The following ZFPM1 variants were observed in gnomAD, a reference collection of about 807,000 sequenced individuals.
The protein encoded by ZFPM1 is zinc finger protein ZFPM1.
In ZFPM1, 28 loss-of-function variants were observed where a neutral mutation model predicts 46.3. The ratio of observed to expected loss-of-function variants is 0.60; its 90% CI spans 0.45 to 0.83. ZFPM1 has a LOEUF of 0.83. Ranked by LOEUF, ZFPM1 falls within the 40% of genes least tolerant of loss-of-function variation. The probability of loss-of-function intolerance (pLI) is 0.00; values close to 1 mark genes in which losing one functional copy is unlikely to be tolerated. For synonymous variants in ZFPM1, 957 were observed against 675.9 expected, an observed-to-expected ratio of 1.42 and a Z score of -6.45; for missense variants, 1,878 against 1,432.4, an observed-to-expected ratio of 1.31 and a Z score of -5.02.
chr16:88,458,351 C>A (rs1435845682), intron 1 of ZFPM1, among the ~76,000 whole-genome samples: 2 of 152,300 alleles, frequency 1.3e-5, no homozygotes, highest in East Asian at 3.9e-4. Flanking sequence ...GGGAGGGGGT[C>A]CCCTGGGAGG....
At chr16:88,460,958 CGG>C (rs1567525443) in intron 1 of ZFPM1, among the ~76,000 whole-genome samples, 4 of 7,696 alleles carry the variant, frequency 5.2e-4, no homozygotes, top group East Asian at 8.0e-3. Flanking sequence ...AGGGGCGGGG[CGG>C]GAGGCCTGGT....
intron 9 of ZFPM1, 97 bp from the exon 10 acceptor site, chr16:88,533,051 T>TGCCCCCCCCCC: frequency 1.5e-6 from 2 of 1,351,638 alleles, no homozygotes; most frequent in South Asian, 1.4e-5. Flanking sequence ...TCTAAACCAC[T>TGCCCCCCCCCC]CCCGCCCACC....
At chr16:88,474,584 C>T (rs1267602209) in intron 1 of ZFPM1, among the ~76,000 whole-genome samples, 1 of 151,918 alleles carries the variant, frequency 6.6e-6, no homozygotes, top group Non-Finnish European at 1.5e-5. Context: ...CTTCGGGGGG[C>T]GGGGGGCTCT....
At chr16:88,515,036 T>G (rs934752889) in intron 4 of ZFPM1, among the ~76,000 whole-genome samples, 1 of 152,230 alleles carries the variant, frequency 6.6e-6, no homozygotes, top group Non-Finnish European at 1.5e-5. Flanking sequence ...AGCCCCTTGC[T>G]GCTAGACACA....
rs750889569 is a variant in ZFPM1, at chr16:88,534,001, C to T, written c.2043C>T (p.Ser681=). Residue 681 remains serine, a synonymous_variant, in exon 10 of 10, where the codon AGC becomes AGT. Coordinates refer to ENST00000319555, the MANE Select transcript of ZFPM1 (RefSeq NM_153813.3). ...SSVDDAEDDP[S]RTLCEACNIR... is the part of the protein sequence containing the mutation. ...TGGACGACGCGGAGGACGACCCCAG[C>T]CGCACGCTGTGCGAGGCCTGCAACA... 1.2e-5 allele frequency: 17 copies of T among 1,378,674 alleles called. No individual in the cohort carries two copies. In the South Asian group the frequency reaches 1.8e-4, roughly 15 times the overall value. 85.4% of individuals were successfully genotyped at this position (1,378,674 alleles called of 1,614,324 possible). A position where few individuals can be genotyped will look rare whatever the true frequency, so the allele number is the denominator to read the frequency against.
intron 1 of ZFPM1, among the ~76,000 whole-genome samples, chr16:88,476,287 A>C (rs34552467): frequency 0.4 from 61,111 of 151,912 alleles, 12,855 homozygotes; most frequent in East Asian, 0.56. Context: ...ACCCCCCTCC[A>C]AGCCAGCCAC....
chr16:88,514,914 C>CCGCGGACTCTTCTGACGACAGG (rs1911201997), intron 4 of ZFPM1, among the ~76,000 whole-genome samples: 1 of 152,150 alleles, frequency 6.6e-6, no homozygotes, highest in Non-Finnish European at 1.5e-5. Flanking sequence ...GTGTCTGTCC[C>CCGCGGACTCTTCTGACGACAGG]CGCGGACTCT....
intron 3 of ZFPM1, among the ~76,000 whole-genome samples, chr16:88,506,737 A>G (rs1567543680): frequency 6.6e-6 from 1 of 150,618 alleles, no homozygotes; most frequent in Non-Finnish European, 1.5e-5. Context: ...GCCCTCCTGC[A>G]AGGACCTGGA....
At chr16:88,484,781 G>A (rs1057405379) in intron 1 of ZFPM1, among the ~76,000 whole-genome samples, 7 of 152,290 alleles carry the variant, frequency 4.6e-5, no homozygotes, top group African/African-American at 1.7e-4. Context: ...CACCAGCCCC[G>A]CCGGCGGATG....
chr16:88,503,987 C>T (rs1218577431), intron 3 of ZFPM1, among the ~76,000 whole-genome samples: 4 of 149,934 alleles, frequency 2.7e-5, no homozygotes. Flanking sequence ...CCAGCGTCCT[C>T]ACCAGCACCT....
At chr16:88,512,194 C>T (rs1051597393) in intron 3 of ZFPM1, among the ~76,000 whole-genome samples, 6 of 152,182 alleles carry the variant, frequency 3.9e-5, no homozygotes, top group African/African-American at 1.2e-4. Context: ...GTGGGTGCCT[C>T]GTGGGCCGGG....
chr16:88,535,704 C>T lies in ZFPM1; in HGVS notation c.*725C>T, dbSNP rs1039473239. 1 of 152,336 alleles carries T rather than the reference C, an allele frequency of 6.6e-6. No homozygotes were observed. The highest frequency in any genetic ancestry group is 2.4e-5 in the African/African-American group (1 of 41,460). 9.4% of individuals were successfully genotyped at this position (152,336 alleles called of 1,614,324 possible). A position where few individuals can be genotyped will look rare whatever the true frequency, so the allele number is the denominator to read the frequency against. ...TCCTGATGCTCACTGGTGGGTGCAT[C>T]TCTCCCTCAGAGCCAGGGCTGAGGA... On this transcript the variant is annotated 3_prime_UTR_variant, in exon 10 of 10. Coordinates refer to ENST00000319555, the MANE Select transcript of ZFPM1 (RefSeq NM_153813.3).
intron 3 of ZFPM1, among the ~76,000 whole-genome samples, chr16:88,492,013 C>T (rs552801078): frequency 1.3e-5 from 2 of 152,304 alleles, no homozygotes; most frequent in African/African-American, 4.8e-5. Context: ...CCACATTTGC[C>T]CTGCTCCTCC....
chr16:88,455,358 C>G (rs1965025140), intron 1 of ZFPM1, among the ~76,000 whole-genome samples: 1 of 152,088 alleles, frequency 6.6e-6, no homozygotes, highest in Admixed American at 6.5e-5. Flanking sequence ...CCACCGCGGC[C>G]CATCCTCGTT....
chr16:88,491,206 C>A (rs57578314), intron 3 of ZFPM1, among the ~76,000 whole-genome samples: 110 of 152,284 alleles, frequency 7.2e-4, no homozygotes, highest in African/African-American at 2.6e-3. Flanking sequence ...TCGGGAGGGG[C>A]CGCCCTGACT....
At chr16:88,500,893 C>T (rs979205238) in intron 3 of ZFPM1, among the ~76,000 whole-genome samples, 2 of 152,256 alleles carry the variant, frequency 1.3e-5, no homozygotes, top group Non-Finnish European at 2.9e-5. Flanking sequence ...CTAGACGGCA[C>T]CTCGGTGTCC....
intron 2 of ZFPM1, among the ~76,000 whole-genome samples, chr16:88,486,948 G>T (rs560015603): frequency 6.6e-6 from 1 of 152,172 alleles, no homozygotes; most frequent in Non-Finnish European, 1.5e-5. Flanking sequence ...CACTCAGCTC[G>T]CAAGTGCCCT....
intron 3 of ZFPM1, among the ~76,000 whole-genome samples, chr16:88,510,954 G>A (rs1387391451): frequency 1.3e-5 from 2 of 152,198 alleles, no homozygotes; most frequent in African/African-American, 4.8e-5. Flanking sequence ...GGGTCCGTGG[G>A]GCGGGCACTC....
chr16:88,465,738 A>C (rs150445641), intron 1 of ZFPM1, among the ~76,000 whole-genome samples: 1,959 of 152,230 alleles, frequency 0.013, 44 homozygotes, highest in Admixed American at 0.055. Flanking sequence ...CTGCTGCTGC[A>C]CCTGACAGCT....
Sources: gnomAD v4.1 joint callset for allele counts (sites outside exome capture counted in the v4.1 genomes callset) on GRCh38, gnomAD v4.1.1 for gene constraint, MANE v1.5 for transcripts, NCBI Gene and HGNC (gene_info 2026-07-23, HGNC 2026-07-21) for gene names.